The following ADGRB3 variants were observed in gnomAD, a reference collection of about 807,000 sequenced individuals.
ADGRB3 encodes the protein brain-specific angiogenesis inhibitor 3.
A neutral mutation model predicts 193.4 loss-of-function variants in ADGRB3; 37 were observed. That is an observed-to-expected ratio of 0.19 (90% confidence interval 0.15 to 0.25). The LOEUF is 0.25. Ranked by LOEUF, ADGRB3 falls within the 10% of genes least tolerant of loss-of-function variation. The pLI, the probability that ADGRB3 is intolerant of heterozygous loss-of-function variation, is 1.00. For missense variants in ADGRB3, 1,637 were observed against 1,852.9 expected, an observed-to-expected ratio of 0.88 and a Z score of 2.14; for synonymous variants, 690 against 644.2, an observed-to-expected ratio of 1.07 and a Z score of -1.08.
chr6:68,758,779 A>G (rs1766343106), intron 3 of ADGRB3, among the ~76,000 whole-genome samples: 1 of 152,102 alleles, frequency 6.6e-6, no homozygotes, highest in South Asian at 2.1e-4. Context: ...AGCATATGGC[A>G]TTTATGTTGT....
intron 3 of ADGRB3, among the ~76,000 whole-genome samples, chr6:68,670,280 A>C (rs1768912447): frequency 6.6e-6 from 1 of 151,848 alleles, no homozygotes; most frequent in South Asian, 2.1e-4. Context: ...ACTGGATGTG[A>C]GCCCATTTAT....
chr6:69,290,430 T>G (rs996208711), intron 20 of ADGRB3, among the ~76,000 whole-genome samples: 1 of 151,596 alleles, frequency 6.6e-6, no homozygotes, highest in Non-Finnish European at 1.5e-5. Context: ...GGATGGAGTT[T>G]GGAGCGGGGA....
chr6:68,866,537 C>A (rs1312659449), intron 3 of ADGRB3, among the ~76,000 whole-genome samples: 1 of 152,106 alleles, frequency 6.6e-6, no homozygotes, highest in Non-Finnish European at 1.5e-5. Flanking sequence ...ATAAAGATAC[C>A]TCAAAATGTG....
Position 68,852,662 on chromosome 6 carries a change from C to T in ADGRB3, c.758-77897C>T, listed in dbSNP as rs1370343559. On this transcript the variant is annotated intron_variant, in intron 3 of 31. Transcript: ENST00000370598. ...TCAGTGGCATCTTTTTAATAGGATC[C>T]TTCTAGGAGGAAGAAAAAAGCTATA... 2.0e-5 allele frequency among the ~76,000 whole-genome samples: 3 copies of T among 151,934 alleles called. 1 individual carries two copies. The South Asian group carries it at 6.2e-4, about 31-fold the overall frequency.
At chr6:69,207,376 A>G (rs1316374822) in intron 17 of ADGRB3, among the ~76,000 whole-genome samples, 1 of 152,186 alleles carries the variant, frequency 6.6e-6, no homozygotes, top group Non-Finnish European at 1.5e-5. Flanking sequence ...ACAAACCCAA[A>G]TGAGGAATGT....
At chr6:69,347,371 G>T (rs186195952) in intron 26 of ADGRB3, among the ~76,000 whole-genome samples, 162 of 151,854 alleles carry the variant, frequency 1.1e-3, no homozygotes, top group African/African-American at 3.6e-3. Flanking sequence ...ATAAATAAAA[G>T]AATTAAGCAA....
chr6:68,836,924 A>C, intron 3 of ADGRB3, among the ~76,000 whole-genome samples: 1 of 152,160 alleles, frequency 6.6e-6, no homozygotes, highest in East Asian at 1.9e-4. Flanking sequence ...TTGATAATGA[A>C]TTTAAGGTAT....
At chr6:68,881,817 A>G (rs1765742744) in intron 3 of ADGRB3, among the ~76,000 whole-genome samples, 1 of 152,232 alleles carries the variant, frequency 6.6e-6, no homozygotes, top group Non-Finnish European at 1.5e-5. Flanking sequence ...GCTTCAGTTT[A>G]AAGTAGTAAA....
chr6:68,867,811 G>A (rs188135728), intron 3 of ADGRB3, among the ~76,000 whole-genome samples: 2 of 152,256 alleles, frequency 1.3e-5, no homozygotes, highest in African/African-American at 4.8e-5. Context: ...GTCCTGCTGG[G>A]TTTCAGACTT....
chr6:68,830,279 C>T (rs971401174), intron 3 of ADGRB3, among the ~76,000 whole-genome samples: 4 of 151,970 alleles, frequency 2.6e-5, no homozygotes, highest in African/African-American at 9.7e-5. Flanking sequence ...AATGCTAGAT[C>T]AAGGGGAAGA....
At chr6:69,310,650 C>T (rs980126289) in intron 20 of ADGRB3, among the ~76,000 whole-genome samples, 1 of 151,608 alleles carries the variant, frequency 6.6e-6, no homozygotes, top group Non-Finnish European at 1.5e-5. Flanking sequence ...CAGGTGTATG[C>T]CATAATTTCC....
chr6:69,301,427 A>G (rs1767946344), intron 20 of ADGRB3, among the ~76,000 whole-genome samples: 1 of 151,862 alleles, frequency 6.6e-6, no homozygotes, highest in African/African-American at 2.4e-5. Context: ...ACTAGTATCT[A>G]CTGAAAACAG....
intron 3 of ADGRB3, among the ~76,000 whole-genome samples, chr6:68,743,284 G>A (rs1412338066): frequency 6.6e-6 from 1 of 151,036 alleles, no homozygotes; most frequent in African/African-American, 2.4e-5. Flanking sequence ...CAATGACTGT[G>A]CTCACCTTCA....
At position 69,305,522 on chromosome 6, in the gene ADGRB3, G is replaced by A. The variant is rs142477274; in HGVS notation, c.2815-19350G>A. On this transcript the variant is annotated intron_variant, in intron 20 of 31. Transcript: ENST00000370598. Reference sequence around the variant, plus strand: ...AATATTTTTTCTAGGATTAAGATTAGATTTATACCCTTCTGCATGTAAGTC... The same window carrying A: ...AATATTTTTTCTAGGATTAAGATTAAATTTATACCCTTCTGCATGTAAGTC... Among the ~76,000 whole-genome samples, 508 of 151,366 alleles carry A rather than the reference G, an allele frequency of 3.4e-3. 14 individuals are homozygous for A. The highest frequency in any genetic ancestry group is 0.011 in the African/African-American group (470 of 41,068).
At chr6:68,875,538 C>T (rs1765574711) in intron 3 of ADGRB3, among the ~76,000 whole-genome samples, 2 of 151,640 alleles carry the variant, frequency 1.3e-5, no homozygotes, top group Non-Finnish European at 1.5e-5. Flanking sequence ...CTGGACTTTT[C>T]TTATTCCTGA....
chr6:68,838,182 A>G (rs1768082167), intron 3 of ADGRB3, among the ~76,000 whole-genome samples: 1 of 152,166 alleles, frequency 6.6e-6, no homozygotes, highest in Non-Finnish European at 1.5e-5. Flanking sequence ...TTCTCTTAAA[A>G]GAGCTTAATA....
intron 3 of ADGRB3, among the ~76,000 whole-genome samples, chr6:68,660,468 A>G (rs901796619): frequency 6.6e-6 from 1 of 150,912 alleles, no homozygotes; most frequent in Non-Finnish European, 1.5e-5. Context: ...TATACACACA[A>G]TTACCTTGTG....
Position 69,178,184 on chromosome 6 carries a change from T to A in ADGRB3, c.2481-55106T>A, listed in dbSNP as rs1307888190. Among the ~76,000 whole-genome samples, 4 of 152,210 alleles carry A rather than the reference T, an allele frequency of 2.6e-5. No homozygotes were observed. The South Asian group carries it at 8.3e-4, about 32-fold the overall frequency. On this transcript the variant is annotated intron_variant, in intron 17 of 31. Transcript: ENST00000370598. ...AACTGAACCCTTTATCATGATGTAATGCCCTTATTTGTCCTTTTTTACTTT... is the reference window on the plus strand; with the variant it reads ...AACTGAACCCTTTATCATGATGTAAAGCCCTTATTTGTCCTTTTTTACTTT...
At chr6:69,304,316 T>A (rs1437400610) in intron 20 of ADGRB3, among the ~76,000 whole-genome samples, 1 of 151,660 alleles carries the variant, frequency 6.6e-6, no homozygotes, top group South Asian at 2.1e-4. Flanking sequence ...GACAAAAATA[T>A]AACATCCATA....
Sources: gnomAD v4.1 joint callset for allele counts (sites outside exome capture counted in the v4.1 genomes callset) on GRCh38, gnomAD v4.1.1 for gene constraint, MANE v1.5 for transcripts, NCBI Gene and HGNC (gene_info 2026-07-23, HGNC 2026-07-21) for gene names.